Variants in RGS12 observed in about 807,000 individuals in gnomAD.
RGS12 encodes the protein regulator of G protein signaling 12, also known as regulator of G-protein signaling 12.
RGS12 carries 66 observed loss-of-function variants against 120.1 expected under a neutral mutation model. That is an observed-to-expected ratio of 0.55 (90% CI 0.45 to 0.67). The LOEUF is 0.67. Among genes scored for constraint, RGS12 ranks in the 30% least tolerant of loss-of-function variants. The pLI is 0.00. For missense variants in RGS12, 1,859 were observed against 1,957.7 expected (o/e 0.95, Z 0.95); for synonymous variants, 827 against 804.7 (o/e 1.03, Z -0.47).
chr4:3,423,800 C>T (rs1723302427), intron 13 of RGS12, 159 bp downstream of exon 13: 2 of 865,728 alleles, frequency 2.3e-6, no homozygotes, highest in South Asian at 1.8e-5. Context: ...CTGCCATCCC[C>T]AGTTCTCGTT....
upstream of RGS12, among the ~76,000 whole-genome samples, chr4:3,288,643 A>G (rs957011544): frequency 1.3e-5 from 2 of 152,144 alleles, no homozygotes. The surrounding 1 kb of genome is among the most constrained non-coding windows in gnomAD (Gnocchi z 5.2). Flanking sequence ...CCTTTCCGGG[A>G]CGTATGGACC....
At chr4:3,297,495 C>G (rs897587660) in intron 1 of RGS12, among the ~76,000 whole-genome samples, 1 of 152,226 alleles carries the variant, frequency 6.6e-6, no homozygotes, top group African/African-American at 2.4e-5. Flanking sequence ...GCCTCCCTGT[C>G]CCTCTATGTG....
rs757010508 is a variant in RGS12, at chr4:3,317,011, G to T, written c.841G>T (p.Val281Leu). 1.7e-5 allele frequency: 27 copies of T among 1,613,638 alleles called. No individual in the cohort carries two copies. The highest frequency in any genetic ancestry group is 2.3e-5 in the Non-Finnish European group (27 of 1,180,018). Residue 281 changes from valine to leucine, a missense_variant, in exon 2 of 18, where the codon GTG becomes TTG. By Grantham distance (32) the Val-to-Leu change is conservative (BLOSUM62 1). Around this residue, in one of 3 missense-constraint regions of RGS12, gnomAD observed 967 missense variants for 994.2 expected, o/e 0.97. Coordinates refer to ENST00000336727, the MANE Select transcript of RGS12 (RefSeq NM_001394154.1). The part of the protein sequence containing the change: ...LVTMKIMHDC[V>L]QLSTDKAGVV... ...GACCATGAAGATCATGCACGACTGT[G>T]TGCAGCTGAGCACTGACAAGGCTGG...
Position 3,322,161 on chromosome 4 carries a change from C to T in RGS12, c.1881+4110C>T, listed in dbSNP as rs1198338054. On this transcript the variant is annotated intron_variant, in intron 2 of 17. Transcript: ENST00000336727. ...GCGAGCCAGACCCCTTGTTGCTCGG[C>T]ATTTCTACGTCTCCTTGGTGAGATG... Among the ~76,000 whole-genome samples, 11 of 152,326 alleles carry T rather than the reference C, an allele frequency of 7.2e-5. No individual in the cohort carries two copies. The South Asian group carries it at 1.9e-3, about 26-fold the overall frequency.
At chr4:3,386,144 TAC>T in intron 3 of RGS12, 2 of 522,510 alleles carry the variant, frequency 3.8e-6, no homozygotes, top group Non-Finnish European at 6.8e-6. Flanking sequence ...TTGACGCTGT[TAC>T]TAAGACTGTA....
At chr4:3,359,423 T>C (rs1365255415) in intron 3 of RGS12, among the ~76,000 whole-genome samples, 17 of 11,532 alleles carry the variant, frequency 1.5e-3, no homozygotes, top group African/African-American at 6.1e-3. Context: ...TCCTCCCCCT[T>C]CTCTTCCTCC....
chr4:3,318,561 G>A (rs1041495519), intron 2 of RGS12, among the ~76,000 whole-genome samples: 6 of 152,192 alleles, frequency 3.9e-5, no homozygotes, highest in East Asian at 1.9e-4. Flanking sequence ...GCTGGACTCC[G>A]CAGTGGGCCT....
At chr4:3,298,971 T>G (rs1723528412) in intron 1 of RGS12, among the ~76,000 whole-genome samples, 1 of 152,230 alleles carries the variant, frequency 6.6e-6, no homozygotes, top group Admixed American at 6.5e-5. Flanking sequence ...CAATTTCTAT[T>G]GGCTTCTTCC....
intron 3 of RGS12, among the ~76,000 whole-genome samples, chr4:3,376,487 C>G (rs549944128): frequency 6.6e-6 from 1 of 152,344 alleles, no homozygotes; most frequent in East Asian, 1.9e-4. Context: ...CATCGAAGTC[C>G]TTGCGCTGCC....
the RGS12 span, among the ~76,000 whole-genome samples, chr4:3,287,801 T>C: frequency 6.6e-6 from 1 of 152,152 alleles, no homozygotes; most frequent in Admixed American, 6.5e-5. Flanking sequence ...ACCTGGAAGG[T>C]AGTCCCGGGA....
chr4:3,316,546 T>A lies in RGS12; in HGVS notation c.376T>A (p.Ser126Thr). 6.2e-7 allele frequency: 1 copy of A among 1,614,154 alleles called. No individual in the cohort carries two copies. The highest frequency in any genetic ancestry group is 8.5e-7 in the Non-Finnish European group (1 of 1,180,040). Residue 126 changes from serine to threonine, a missense_variant, in exon 2 of 18, where the codon TCT becomes ACT. Around this residue, in one of 3 missense-constraint regions of RGS12, gnomAD observed 967 missense variants for 994.2 expected, o/e 0.97. Coordinates refer to ENST00000336727, the MANE Select transcript of RGS12 (RefSeq NM_001394154.1). ...AGGCTGGCTGAAGCCCAAGCTGGAT[T>A]CTAAAGCACTAGGTATAAACAGAGC... ...GKGWLKPKLD[S>T]KALGINRAER...
At chr4:3,286,561 G>A in the RGS12 span, among the ~76,000 whole-genome samples, 3 of 152,184 alleles carry the variant, frequency 2.0e-5, no homozygotes, top group East Asian at 1.9e-4. Context: ...CTGCTCCCCC[G>A]GCCTCCTGGG....
chr4:3,309,608 CTGGGAATGGCAGGTGTCCG>C (rs1724213451), intron 1 of RGS12, among the ~76,000 whole-genome samples: 1 of 76,952 alleles, frequency 1.3e-5, no homozygotes, highest in Non-Finnish European at 2.4e-5. Context: ...GAGCTGGGAC[CTGGGAATGGCAGGTGTCCG>C]CTGAGGGGAA....
At chr4:3,430,006 A>G (rs906086089) in intron 16 of RGS12, among the ~76,000 whole-genome samples, 1 of 152,310 alleles carries the variant, frequency 6.6e-6, no homozygotes, top group Admixed American at 6.5e-5. Flanking sequence ...GGTGCTTCAG[A>G]TGCTGACCAA....
At chr4:3,347,443 CAA>C (rs1259294247) in intron 3 of RGS12, among the ~76,000 whole-genome samples, 1 of 151,614 alleles carries the variant, frequency 6.6e-6, no homozygotes, top group Non-Finnish European at 1.5e-5. Flanking sequence ...GACTCTGTCT[CAA>C]AAAAAGAAAG....
In RGS12 at chr4:3,365,564, G is replaced by C. The variant is rs1008253700; in HGVS notation, c.1999-20852G>C. Among the ~76,000 whole-genome samples the C allele has an allele frequency of 1.4e-4, 21 of 152,266 alleles. No homozygotes were observed. Among genetic ancestry groups the C allele is most frequent in the African/African-American group, 5.1e-4 (21 of 41,546 alleles). ...TCCGACCTAAGCCTTAGTGTGAGTC[G>C]GACACGGCCTTCTTGGCTGTTGGGT... On this transcript the variant is annotated intron_variant, in intron 3 of 17. Transcript: ENST00000336727. This position sits in a 1 kb window ranked among gnomAD's most constrained non-coding sequence, Gnocchi z 4.0.
intron 3 of RGS12, among the ~76,000 whole-genome samples, chr4:3,384,303 T>C (rs1413182145): frequency 4.6e-5 from 7 of 151,820 alleles, no homozygotes; most frequent in Non-Finnish European, 7.4e-5. Context: ...TATAGGCATC[T>C]GCTTCCACGC....
At position 3,422,373 on chromosome 4, in the gene RGS12, C is replaced by T. The variant is rs376425740; in HGVS notation, c.2839-3C>T. On this transcript the variant is annotated splice_region_variant and splice_polypyrimidine_tract_variant and intron_variant, in intron 10 of 17. Coordinates refer to ENST00000336727, the MANE Select transcript of RGS12 (RefSeq NM_001394154.1). ...CACGGCTGCTTGTCTCGCTGCTCCC[C>T]AGTCGGAGGCCTGCAGGACTTTGGC... 8 of 1,608,798 alleles carry T rather than the reference C, an allele frequency of 5.0e-6. No individual in the cohort carries two copies. The highest frequency in any genetic ancestry group is 1.3e-5 in the African/African-American group (1 of 74,872).
chr4:3,368,675 G>C (rs1716641182), intron 3 of RGS12, among the ~76,000 whole-genome samples: 1 of 101,660 alleles, frequency 9.8e-6, no homozygotes, highest in South Asian at 4.1e-4. Context: ...TGTAGGGGGG[G>C]TGCCTGTGTG....
Sources: allele counts gnomAD v4.1 joint callset (sites outside exome capture counted in the v4.1 genomes callset), GRCh38; gene constraint gnomAD v4.1.1; regional missense constraint gnomAD v4.1.1; non-coding constraint Gnocchi (gnomAD v3.1); transcripts MANE v1.5; gene names NCBI Gene and HGNC (gene_info 2026-07-23, HGNC 2026-07-21).